The following ATP8A2 variants were observed in gnomAD, a reference collection of about 807,000 sequenced individuals.
The protein encoded by ATP8A2 is ATPase phospholipid transporting 8A2, also known as phospholipid-transporting ATPase IB.
Under a neutral mutation model 165.6 loss-of-function variants are expected in ATP8A2, and 100 were observed. That is an observed-to-expected ratio of 0.60 (90% CI 0.51 to 0.71). The LOEUF (loss-of-function observed/expected upper bound fraction) is 0.71. Among genes scored for constraint, ATP8A2 ranks in the 30% least tolerant of loss-of-function variants. ATP8A2 has a pLI of 0.00. For synonymous variants in ATP8A2, 543 were observed against 548.8 expected, an observed-to-expected ratio of 0.99 and a Z score of 0.15; for missense variants, 1,227 against 1,479.5, an observed-to-expected ratio of 0.83 and a Z score of 2.80.
intron 24 of ATP8A2, among the ~76,000 whole-genome samples, chr13:25,627,565 G>C (rs896101666): frequency 2.6e-5 from 4 of 152,096 alleles, no homozygotes; most frequent in African/African-American, 9.7e-5. Context: ...GTGAGAACAC[G>C]GTGAGAAGGT....
chr13:25,456,556 G>C (rs1445938973), intron 1 of ATP8A2, among the ~76,000 whole-genome samples: 4 of 152,186 alleles, frequency 2.6e-5, no homozygotes, highest in Admixed American at 6.5e-5. Context: ...TGTGCGACAA[G>C]GGAAGACATC....
rs747348200 is a variant in ATP8A2, at chr13:25,701,278, T to A, written c.2384+1933T>A. Among the ~76,000 whole-genome samples the A allele has an allele frequency of 8.5e-5, 13 of 152,318 alleles. No individual in the cohort carries two copies. The East Asian group carries it at 1.3e-3, about 16-fold the overall frequency. ...GTAGCTGATCCTGTGCTTTCTTTCC[T>A]GGGTTCTATTTGAGCAGTTTAGATT... On this transcript the variant is annotated intron_variant, in intron 25 of 36. Transcript: ENST00000381655.
At chr13:25,690,090 A>T (rs747346149) in intron 24 of ATP8A2, among the ~76,000 whole-genome samples, 2 of 152,036 alleles carry the variant, frequency 1.3e-5, no homozygotes, top group Non-Finnish European at 2.9e-5. Flanking sequence ...GTTGCTATTT[A>T]ATATCTTTTG....
chr13:25,601,948 G>A (rs2040398912), intron 24 of ATP8A2, among the ~76,000 whole-genome samples: 1 of 152,058 alleles, frequency 6.6e-6, no homozygotes, highest in Admixed American at 6.5e-5. Flanking sequence ...AACTCTGTAA[G>A]GTCATGAAAT....
At chr13:25,610,322 C>A (rs1167670438) in intron 24 of ATP8A2, among the ~76,000 whole-genome samples, 1 of 152,042 alleles carries the variant, frequency 6.6e-6, no homozygotes, top group African/African-American at 2.4e-5. Context: ...TGGTTTCATT[C>A]TTCTACATGT....
At chr13:25,492,962 T>A (rs2137652544) in intron 2 of ATP8A2, among the ~76,000 whole-genome samples, 1 of 152,362 alleles carries the variant, frequency 6.6e-6, no homozygotes, top group South Asian at 2.1e-4. Context: ...CAGGTTTCCC[T>A]TTGTGCTTGG....
chr13:25,413,018 A>C (rs970933312), intron 1 of ATP8A2, among the ~76,000 whole-genome samples: 1 of 152,066 alleles, frequency 6.6e-6, no homozygotes, highest in Non-Finnish European at 1.5e-5. Context: ...GGGTTTCACC[A>C]TGTTGGCCAG....
intron 27 of ATP8A2, among the ~76,000 whole-genome samples, chr13:25,799,580 A>G (rs556839087): frequency 1.1e-3 from 167 of 152,296 alleles, no homozygotes; most frequent in African/African-American, 3.8e-3. Context: ...ATAATTTCAC[A>G]CAAGTCTTCC....
At chr13:25,417,213 C>T (rs766968626) in intron 1 of ATP8A2, among the ~76,000 whole-genome samples, 7 of 151,958 alleles carry the variant, frequency 4.6e-5, no homozygotes, top group Non-Finnish European at 1.0e-4. Context: ...GTTTAGTTTC[C>T]CCCAGTTTAG....
At chr13:25,778,634 G>T (rs1005626175) in intron 27 of ATP8A2, among the ~76,000 whole-genome samples, 1 of 152,146 alleles carries the variant, frequency 6.6e-6, no homozygotes, top group Non-Finnish European at 1.5e-5. Flanking sequence ...CACAATGTCT[G>T]GAATGGAGGT....
intron 35 of ATP8A2, among the ~76,000 whole-genome samples, chr13:26,002,917 C>T (rs1220017198): frequency 2.7e-5 from 4 of 147,182 alleles, no homozygotes; most frequent in African/African-American, 1.0e-4. Flanking sequence ...TTTCTTCATC[C>T]ACTCATTCAT....
At chr13:25,384,038 T>C (rs1431913792) in intron 1 of ATP8A2, among the ~76,000 whole-genome samples, 1 of 152,204 alleles carries the variant, frequency 6.6e-6, no homozygotes, top group Non-Finnish European at 1.5e-5. Flanking sequence ...TCTTATTTTT[T>C]TCATGTCCCT....
At chr13:25,793,121 G>C (rs756814984) in intron 27 of ATP8A2, among the ~76,000 whole-genome samples, 1 of 152,188 alleles carries the variant, frequency 6.6e-6, no homozygotes, top group Non-Finnish European at 1.5e-5. Context: ...AAAAAGTTCA[G>C]AGAAACAAAG....
rs570747166 is a variant in ATP8A2 at position 25,574,127 on chromosome 13, C to T, written c.1663-681C>T. ...AGATTAAAAATCTGAAAATAGCATG[C>T]GCACCATCTGGAATTTTTAGATGGA... On this transcript the variant is annotated intron_variant, in intron 18 of 36. Transcript: ENST00000381655. 2.2e-4 allele frequency among the ~76,000 whole-genome samples: 34 copies of T among 152,200 alleles called. No individual in the cohort carries two copies. The East Asian group carries it at 4.4e-3, about 20-fold the overall frequency.
At chr13:26,001,569 G>A (rs1033751097) in intron 35 of ATP8A2, among the ~76,000 whole-genome samples, 7 of 152,092 alleles carry the variant, frequency 4.6e-5, no homozygotes, top group African/African-American at 1.7e-4. Context: ...AGCCATCCTA[G>A]TATGTGTGAA....
At chr13:25,607,847 G>T (rs1000995022) in intron 24 of ATP8A2, among the ~76,000 whole-genome samples, 15 of 152,122 alleles carry the variant, frequency 9.9e-5, no homozygotes, top group Non-Finnish European at 1.9e-4. Context: ...TCATGCAGAG[G>T]TTTATTATAT....
intron 27 of ATP8A2, among the ~76,000 whole-genome samples, chr13:25,803,057 T>A (rs1362549843): frequency 6.6e-6 from 1 of 152,068 alleles, no homozygotes; most frequent in Non-Finnish European, 1.5e-5. Context: ...CAAATTGCCT[T>A]GTAATTTTTC....
In ATP8A2 at chr13:25,853,396, A is replaced by ATATATATATATATATATATAT. The variant is rs59573616; in HGVS notation, c.2957-6799_2957-6798insTATATATATATATATATATAT. 4.5e-4 allele frequency among the ~76,000 whole-genome samples: 48 copies of ATATATATATATATATATATAT among 107,824 alleles called. 1 individual carries two copies. The highest frequency in any genetic ancestry group is 1.1e-3 in the African/African-American group (33 of 28,962). The allele number at this position is 107,824 out of a possible 152,430, so 70.7% of individuals were successfully genotyped here. A position where few individuals can be genotyped will look rare whatever the true frequency, so the allele number is the denominator to read the frequency against. On this transcript the variant is annotated intron_variant, in intron 30 of 36. Transcript: ENST00000381655. ...ACAGAGCAAGACTCTATCTAAAAAA[A>ATATATATATATATATATATAT]ATATATATATATATGTATATATATA...
intron 24 of ATP8A2, among the ~76,000 whole-genome samples, chr13:25,674,134 G>A (rs57288512): frequency 0.05 from 7,661 of 152,140 alleles, 644 homozygotes; most frequent in African/African-American, 0.17. Flanking sequence ...AACCATTCAA[G>A]GTTGTCTGGC....
Sources: allele counts gnomAD v4.1 joint callset (sites outside exome capture counted in the v4.1 genomes callset), GRCh38; gene constraint gnomAD v4.1.1; transcripts MANE v1.5; gene names NCBI Gene and HGNC (gene_info 2026-07-23, HGNC 2026-07-21).